TAFA4: variants seen among roughly 807,000 people sequenced by gnomAD.
TAFA4 encodes the protein chemokine-like protein TAFA-4.
In TAFA4, 20 loss-of-function variants were observed where a neutral mutation model predicts 21.1. The ratio of observed to expected loss-of-function variants is 0.95; its 90% CI spans 0.67 to 1.38. The LOEUF is 1.38. Among genes scored for constraint, TAFA4 ranks in the 40% most tolerant of loss-of-function variants. The pLI, the probability that TAFA4 is intolerant of heterozygous loss-of-function variation, is 0.00. For synonymous variants in TAFA4, 71 were observed against 67.4 expected (o/e 1.05, Z -0.26); for missense variants, 211 against 180.9 (o/e 1.17, Z -0.95).
intron 3 of TAFA4, among the ~76,000 whole-genome samples, chr3:68,838,213 T>C (rs1575633889): frequency 6.6e-6 from 1 of 152,188 alleles, no homozygotes; most frequent in Admixed American, 6.5e-5. Context: ...AATAGCTCTA[T>C]TGAACTCATT....
At chr3:68,783,707 G>GAA (rs1217630245) in intron 3 of TAFA4, among the ~76,000 whole-genome samples, 3 of 61,234 alleles carry the variant, frequency 4.9e-5, no homozygotes, top group Non-Finnish European at 6.3e-5. Context: ...GAGAGAGAGA[G>GAA]AAAGAAAAAG....
At chr3:68,782,068 A>T (rs1703163694) in intron 3 of TAFA4, among the ~76,000 whole-genome samples, 1 of 152,226 alleles carries the variant, frequency 6.6e-6, no homozygotes, top group South Asian at 2.1e-4. Context: ...AAAACAACGG[A>T]GAAAATGGGA....
intron 1 of TAFA4, among the ~76,000 whole-genome samples, chr3:68,912,328 T>C (rs762556642): frequency 6.6e-5 from 10 of 152,124 alleles, no homozygotes; most frequent in Non-Finnish European, 1.2e-4. Flanking sequence ...AAAGAAAGAT[T>C]GGGGAGAAGG....
intron 1 of TAFA4, chr3:68,916,242 C>T (rs1403067338): frequency 1.3e-5 from 2 of 152,228 alleles, no homozygotes; most frequent in Non-Finnish European, 2.9e-5. Flanking sequence ...ACGGATAAGA[C>T]TTCAATTTAT....
chr3:68,740,081 G>A (rs540953820), intron 4 of TAFA4, among the ~76,000 whole-genome samples: 94 of 152,250 alleles, frequency 6.2e-4, no homozygotes, highest in African/African-American at 2.2e-3. Context: ...GAATCTGACT[G>A]TGCCATTGTC....
chr3:68,824,120 CTAA>C (rs1482286230), intron 3 of TAFA4, among the ~76,000 whole-genome samples: 2 of 152,148 alleles, frequency 1.3e-5, no homozygotes, highest in African/African-American at 4.8e-5. Context: ...AATAACTGCC[CTAA>C]GTTATTTTTT....
chr3:68,911,380 T>C (rs1322092700), intron 1 of TAFA4, among the ~76,000 whole-genome samples: 2 of 152,232 alleles, frequency 1.3e-5, no homozygotes, highest in Admixed American at 6.5e-5. Flanking sequence ...CCTGTGTATT[T>C]TGATGGAAAA....
chr3:68,800,707 A>G (rs1252362848), intron 3 of TAFA4, among the ~76,000 whole-genome samples: 1 of 152,158 alleles, frequency 6.6e-6, no homozygotes, highest in African/African-American at 2.4e-5. Context: ...TGGGGAGGCC[A>G]CTCTTGAAGA....
At chr3:68,769,167 C>T (rs1044707198) in intron 3 of TAFA4, among the ~76,000 whole-genome samples, 1 of 152,096 alleles carries the variant, frequency 6.6e-6, no homozygotes, top group Non-Finnish European at 1.5e-5. Context: ...ACTGCCTGAG[C>T]ACTGCCTCCT....
chr3:68,895,861 G>A (rs533535571), intron 1 of TAFA4, among the ~76,000 whole-genome samples: 1 of 152,178 alleles, frequency 6.6e-6, no homozygotes, highest in Non-Finnish European at 1.5e-5. Flanking sequence ...AAGCATTACA[G>A]AGAAAACAAA....
chr3:68,902,992 G>A (rs1559558515), intron 1 of TAFA4, among the ~76,000 whole-genome samples: 3 of 141,474 alleles, frequency 2.1e-5, no homozygotes, highest in African/African-American at 5.5e-5. Flanking sequence ...TTCTATAATA[G>A]ACGAAAGGAA....
intron 3 of TAFA4, among the ~76,000 whole-genome samples, chr3:68,789,530 C>G (rs1048193011): frequency 6.6e-6 from 1 of 152,066 alleles, no homozygotes; most frequent in African/African-American, 2.4e-5. Flanking sequence ...CATTAGACAC[C>G]TTAAATATAT....
At chr3:68,748,635 T>C (rs539147582) in intron 4 of TAFA4, among the ~76,000 whole-genome samples, 2 of 151,644 alleles carry the variant, frequency 1.3e-5, no homozygotes, top group Non-Finnish European at 2.9e-5. Context: ...TCCCAGCTAC[T>C]CGGGAGACTG....
intron 1 of TAFA4, among the ~76,000 whole-genome samples, chr3:68,904,276 TG>T (rs1003006596): frequency 6.6e-6 from 1 of 152,120 alleles, no homozygotes; most frequent in African/African-American, 2.4e-5. Context: ...ACACATGCCC[TG>T]GGAAAGCAAC....
At chr3:68,918,653 T>C (rs1393852224) in intron 1 of TAFA4, among the ~76,000 whole-genome samples, 1 of 152,190 alleles carries the variant, frequency 6.6e-6, no homozygotes, top group Non-Finnish European at 1.5e-5. Context: ...TCCCCCCATC[T>C]CAGCCACCTA....
chr3:68,877,213 G>T (rs183369104), intron 3 of TAFA4, among the ~76,000 whole-genome samples: 147 of 152,154 alleles, frequency 9.7e-4, no homozygotes, highest in Non-Finnish European at 1.8e-3. Context: ...ACAAAAATTA[G>T]CTGGGCGCTG....
chr3:68,762,088 C>G (rs1702766424), intron 3 of TAFA4, among the ~76,000 whole-genome samples: 1 of 150,530 alleles, frequency 6.6e-6, no homozygotes, highest in African/African-American at 2.5e-5. Context: ...GCGTATGTAT[C>G]TAGTATTAAA....
chr3:68,848,771 C>T (rs1704871830), intron 3 of TAFA4, among the ~76,000 whole-genome samples: 1 of 152,116 alleles, frequency 6.6e-6, no homozygotes, highest in South Asian at 2.1e-4. Context: ...AATAAAGTCC[C>T]TAGCCCCTCT....
Position 68,882,008 on chromosome 3 carries a change from G to T in TAFA4, c.15-1163C>A, listed in dbSNP as rs181743676. ...TCTCTCCGTGACCTCTCACAATTCC[G>T]TCAAATAGATCTTGTTAAAGGGTGT... On this transcript the variant is annotated intron_variant, in intron 2 of 5. Coordinates refer to ENST00000295569, the MANE Select transcript of TAFA4 (RefSeq NM_182522.5). Among the ~76,000 whole-genome samples, 154 of 152,298 alleles carry T rather than the reference G, an allele frequency of 1.0e-3. 3 individuals carry two copies. Among genetic ancestry groups the T allele is most frequent in the Admixed American group, 7.5e-3 (114 of 15,300 alleles).
Sources: allele counts gnomAD v4.1 joint callset (sites outside exome capture counted in the v4.1 genomes callset), GRCh38; gene constraint gnomAD v4.1.1; transcripts MANE v1.5; gene names NCBI Gene and HGNC (gene_info 2026-07-23, HGNC 2026-07-21).